SPATA13: variants seen among roughly 807,000 people sequenced by gnomAD.
SPATA13 encodes the protein spermatogenesis associated 13.
In SPATA13, 50 loss-of-function variants were observed where a neutral mutation model predicts 104.0. The observed-to-expected ratio is 0.48, with a 90% CI of 0.38 to 0.61. The LOEUF (loss-of-function observed/expected upper bound fraction) is 0.61, where lower values mean the gene tolerates loss of function less well. Among genes scored for constraint, SPATA13 ranks in the 20% least tolerant of loss-of-function variants. The pLI is 0.00. For missense variants in SPATA13, 1,524 were observed against 1,690.6 expected (o/e 0.90, Z 1.73); for synonymous variants, 606 against 667.5 (o/e 0.91, Z 1.42).
chr13:24,022,255 C>T (rs1478342126), intron 3 of SPATA13, among the ~76,000 whole-genome samples: 5 of 149,084 alleles, frequency 3.4e-5, no homozygotes, highest in East Asian at 2.0e-4. Context: ...AGGCTGGTCT[C>T]GAACTCCTGA....
intron 3 of SPATA13, chr13:24,122,873 A>G (rs1881084090): frequency 3.9e-6 from 3 of 773,558 alleles, no homozygotes. Context: ...GTTGTAAAAC[A>G]GTAGGAACGA....
chr13:24,300,221 C>T (rs527956085), intron 11 of SPATA13, among the ~76,000 whole-genome samples, 180 bp from the exon 12 acceptor site: 48 of 152,276 alleles, frequency 3.2e-4, no homozygotes, highest in African/African-American at 1.1e-3. Context: ...GCCACCTTGG[C>T]GATAATCCTT....
chr13:24,269,957 A>G (rs1331812384), intron 4 of SPATA13, among the ~76,000 whole-genome samples: 1 of 151,694 alleles, frequency 6.6e-6, no homozygotes, highest in Non-Finnish European at 1.5e-5. Context: ...CCTGGTTTTA[A>G]GCAATCCTCC....
At chr13:24,110,024 T>C (rs9318316) in intron 3 of SPATA13, among the ~76,000 whole-genome samples, 86,046 of 146,062 alleles carry the variant, frequency 0.59, 26,808 homozygotes, top group East Asian at 0.75. Flanking sequence ...GATGCTCTTA[T>C]GCTTTTAGAA....
chr13:24,100,101 C>T (rs1421348461), intron 3 of SPATA13, among the ~76,000 whole-genome samples: 1 of 151,124 alleles, frequency 6.6e-6, no homozygotes, highest in South Asian at 2.1e-4. Flanking sequence ...TTTTCCGTGG[C>T]TTTCTCTATC....
chr13:24,033,522 A>G lies in SPATA13; in HGVS notation c.-112+15821A>G, dbSNP rs75631717. 8.9e-3 allele frequency: 1,360 copies of G among 152,378 alleles called. 23 individuals carry two copies. The highest frequency in any genetic ancestry group is 0.077 in the East Asian group (397 of 5,176). The allele number at this position is 152,378 out of a possible 1,614,324, so 9.4% of individuals were successfully genotyped here. A position where few individuals can be genotyped will look rare whatever the true frequency, so the allele number is the denominator to read the frequency against. Reference sequence around the variant, plus strand: ...ATCCTCTTGGTTTCAGCTCGGACTGACCTGGAAGAAGACCCTGAGGAGAAC... The same window carrying G: ...ATCCTCTTGGTTTCAGCTCGGACTGGCCTGGAAGAAGACCCTGAGGAGAAC... On this transcript the variant is annotated intron_variant, in intron 3 of 14. Coordinates refer to the SPATA13 transcript ENST00000424834.
intron 2 of SPATA13, among the ~76,000 whole-genome samples, chr13:24,244,909 A>G (rs542493461): frequency 3.3e-5 from 5 of 152,342 alleles, no homozygotes; most frequent in Non-Finnish European, 7.3e-5. Flanking sequence ...AAGGGCAGCA[A>G]TTCCACTGAA....
chr13:24,067,949 A>G (rs1285778507), intron 3 of SPATA13, among the ~76,000 whole-genome samples: 2 of 152,112 alleles, frequency 1.3e-5, no homozygotes, highest in African/African-American at 4.8e-5. Flanking sequence ...GGTGATCTGC[A>G]TGCCTTGGCC....
At chr13:24,070,808 G>A (rs901289882) in intron 3 of SPATA13, among the ~76,000 whole-genome samples, 2 of 151,802 alleles carry the variant, frequency 1.3e-5, no homozygotes. Context: ...AAACTGGCAC[G>A]TCTGGTTTTT....
intron 3 of SPATA13, among the ~76,000 whole-genome samples, chr13:24,065,896 C>T (rs922446485): frequency 1.1e-4 from 17 of 152,190 alleles, no homozygotes; most frequent in African/African-American, 3.6e-4. Flanking sequence ...AGCTCTGCCA[C>T]TTAACAATTT....
chr13:24,054,158 A>G (rs1315321148), intron 3 of SPATA13, among the ~76,000 whole-genome samples: 1 of 152,068 alleles, frequency 6.6e-6, no homozygotes, highest in Non-Finnish European at 1.5e-5. Context: ...ACCATGAGAG[A>G]TCCCTCGTCT....
intron 1 of SPATA13, among the ~76,000 whole-genome samples, chr13:24,185,118 A>C (rs746773859): frequency 2.6e-5 from 4 of 152,154 alleles, no homozygotes; most frequent in Non-Finnish European, 4.4e-5. Flanking sequence ...CGCTTTCTGT[A>C]GCTCCTTGTG....
At chr13:24,179,283 G>T (rs1480415773) in intron 1 of SPATA13, among the ~76,000 whole-genome samples, 1 of 152,068 alleles carries the variant, frequency 6.6e-6, no homozygotes, top group Admixed American at 6.5e-5. Context: ...TTTCTCTTGG[G>T]CATATACCTA....
chr13:24,032,722 G>C (rs1234817721), intron 3 of SPATA13, among the ~76,000 whole-genome samples: 2 of 152,194 alleles, frequency 1.3e-5, no homozygotes, highest in African/African-American at 4.8e-5. Flanking sequence ...AGTTAAGTTT[G>C]CCCTAAAATG....
At chr13:24,170,664 G>A (rs535017210) in intron 1 of SPATA13, among the ~76,000 whole-genome samples, 1 of 152,166 alleles carries the variant, frequency 6.6e-6, no homozygotes, top group South Asian at 2.1e-4. Context: ...AAGATAATGG[G>A]TATCTGTGCC....
intron 2 of SPATA13, among the ~76,000 whole-genome samples, chr13:24,235,942 C>T (rs369632250): frequency 6.6e-6 from 1 of 152,146 alleles, no homozygotes; most frequent in Non-Finnish European, 1.5e-5. Context: ...GGATGAAGTT[C>T]CATCATGCAA....
chr13:24,215,042 T>C (rs897391080), intron 1 of SPATA13, among the ~76,000 whole-genome samples: 17 of 152,190 alleles, frequency 1.1e-4, no homozygotes, highest in East Asian at 3.9e-4. Context: ...TTGGTTATGT[T>C]CGAGCACAGC....
chr13:24,018,814 C>T (rs974737973), intron 3 of SPATA13, among the ~76,000 whole-genome samples: 10 of 152,164 alleles, frequency 6.6e-5, no homozygotes, highest in Non-Finnish European at 4.4e-5. Context: ...TAGGTTCCAA[C>T]GTTTTGTGTA....
chr13:24,157,393 G>A (rs1882290251), upstream of SPATA13, among the ~76,000 whole-genome samples: 1 of 152,128 alleles, frequency 6.6e-6, no homozygotes, highest in South Asian at 2.1e-4. Context: ...CCGCCTCCCG[G>A]GTTCACGCCA....
Sources: allele counts gnomAD v4.1 joint callset (sites outside exome capture counted in the v4.1 genomes callset), GRCh38; gene constraint gnomAD v4.1.1; transcripts MANE v1.5; gene names NCBI Gene and HGNC (gene_info 2026-07-23, HGNC 2026-07-21).